Variants in DPP6 observed in about 807,000 individuals in gnomAD.
DPP6 encodes A-type potassium channel modulatory protein DPP6.
Under a neutral mutation model 122.6 loss-of-function variants are expected in DPP6, and 69 were observed. That is an observed-to-expected ratio of 0.56 (90% confidence interval 0.46 to 0.69). The LOEUF (loss-of-function observed/expected upper bound fraction) is 0.69, where lower values mean the gene tolerates loss of function less well. Among genes scored for constraint, DPP6 ranks in the 30% least tolerant of loss-of-function variants. The pLI is 0.00. For missense variants in DPP6, 928 were observed against 1,116.9 expected (o/e 0.83, Z 2.41); for synonymous variants, 418 against 433.1 (o/e 0.97, Z 0.43).
chr7:153,814,573 A>G, the DPP6 span, among the ~76,000 whole-genome samples: 1 of 152,164 alleles, frequency 6.6e-6, no homozygotes, highest in Non-Finnish European at 1.5e-5. Context: ...ATTCCAATCA[A>G]TAGAAAAAGA....
chr7:154,254,546 T>C (rs1418083422), intron 1 of DPP6, among the ~76,000 whole-genome samples: 1 of 152,060 alleles, frequency 6.6e-6, no homozygotes, highest in Non-Finnish European at 1.5e-5. Flanking sequence ...AGATGCACAA[T>C]CTTAATTACA....
chr7:154,401,642 C>T (rs947837913), intron 1 of DPP6, among the ~76,000 whole-genome samples: 2 of 152,134 alleles, frequency 1.3e-5, no homozygotes, highest in African/African-American at 4.8e-5. Flanking sequence ...ACTATAAAAA[C>T]CCTAGAAGAA....
At chr7:154,099,473 G>T (rs1253652619) in intron 1 of DPP6, among the ~76,000 whole-genome samples, 1 of 152,094 alleles carries the variant, frequency 6.6e-6, no homozygotes, top group Non-Finnish European at 1.5e-5. Flanking sequence ...AATATAGAGG[G>T]TCAGGGAAAT....
intron 1 of DPP6, among the ~76,000 whole-genome samples, chr7:154,191,937 A>C (rs574448663): frequency 2.2e-4 from 34 of 152,164 alleles, no homozygotes; most frequent in Non-Finnish European, 3.5e-4. Flanking sequence ...AAGAAAGTAG[A>C]GTGTTTCCAC....
the DPP6 span, among the ~76,000 whole-genome samples, chr7:153,848,370 C>T: frequency 6.6e-6 from 1 of 151,702 alleles, no homozygotes; most frequent in African/African-American, 2.4e-5. Context: ...GGATCAATTC[C>T]CTTACACTTC....
chr7:153,825,457 A>C, the DPP6 span, among the ~76,000 whole-genome samples: 1 of 152,200 alleles, frequency 6.6e-6, no homozygotes, highest in Non-Finnish European at 1.5e-5. Context: ...TGGTACACAG[A>C]CATATTATAT....
chr7:154,688,062 A>G (rs1586892236), intron 7 of DPP6, among the ~76,000 whole-genome samples: 1 of 152,338 alleles, frequency 6.6e-6, no homozygotes, highest in African/African-American at 2.4e-5. Context: ...CGTTCTTACT[A>G]CAGCTTCACC....
chr7:154,411,209 C>T (rs1229678316), intron 1 of DPP6, among the ~76,000 whole-genome samples: 2 of 152,208 alleles, frequency 1.3e-5, no homozygotes, highest in African/African-American at 4.8e-5. Context: ...TCGTAACTCT[C>T]ATTGCATTCA....
In DPP6 at chr7:154,390,096, T is replaced by C. The variant is rs141415073; in HGVS notation, c.244-56118T>C. 4.4e-3 allele frequency among the ~76,000 whole-genome samples: 673 copies of C among 152,372 alleles called. 4 individuals are homozygous for C. The highest frequency in any genetic ancestry group is 0.015 in the African/African-American group (629 of 41,600). ...GAAAGGAGCTGGTATTTTTCCTGTT[T>C]ATTCATTAATTGAACAATTGATTGG... On this transcript the variant is annotated intron_variant, in intron 1 of 25. Transcript: ENST00000377770.
chr7:154,584,602 G>T (rs549935890), intron 5 of DPP6, among the ~76,000 whole-genome samples: 1 of 152,210 alleles, frequency 6.6e-6, no homozygotes, highest in African/African-American at 2.4e-5. Flanking sequence ...TTGCCACGTC[G>T]CTCGGGACGC....
At chr7:154,303,858 A>G (rs971665008) in intron 1 of DPP6, among the ~76,000 whole-genome samples, 2 of 152,212 alleles carry the variant, frequency 1.3e-5, no homozygotes, top group African/African-American at 4.8e-5. Context: ...TCAGCCATCA[A>G]TTCCAAAGAA....
At chr7:154,265,731 T>C (rs1351471338) in intron 1 of DPP6, among the ~76,000 whole-genome samples, 1 of 152,102 alleles carries the variant, frequency 6.6e-6, no homozygotes, top group Non-Finnish European at 1.5e-5. Context: ...AGAAAAATAT[T>C]TTATTATATT....
At chr7:154,021,012 G>T (rs1282473372) in intron 1 of DPP6, among the ~76,000 whole-genome samples, 1 of 152,114 alleles carries the variant, frequency 6.6e-6, no homozygotes, top group Non-Finnish European at 1.5e-5. Flanking sequence ...GGGGAGATGT[G>T]GGAAACGCCA....
chr7:154,758,074 C>T (rs1203322187), intron 8 of DPP6, among the ~76,000 whole-genome samples: 1 of 152,236 alleles, frequency 6.6e-6, no homozygotes, highest in African/African-American at 2.4e-5. Context: ...ACTCCCCCTT[C>T]AGGTGGGCAA....
intron 1 of DPP6, among the ~76,000 whole-genome samples, chr7:154,144,938 T>C (rs1159520195): frequency 6.6e-6 from 1 of 151,418 alleles, no homozygotes; most frequent in Non-Finnish European, 1.5e-5. Flanking sequence ...AAGTTAAATT[T>C]CTGTTAAGAC....
chr7:154,696,464 G>T (rs1330186280), intron 7 of DPP6, among the ~76,000 whole-genome samples: 1 of 152,208 alleles, frequency 6.6e-6, no homozygotes, highest in Non-Finnish European at 1.5e-5. Flanking sequence ...TCATTTGGAT[G>T]ATAGGTTATA....
intron 1 of DPP6, among the ~76,000 whole-genome samples, chr7:154,395,471 C>T (rs1181667723): frequency 5.3e-5 from 8 of 152,096 alleles, no homozygotes; most frequent in Admixed American, 6.5e-5. Context: ...TGTTCACCTC[C>T]GCGGCTAAGT....
Position 154,892,552 on chromosome 7 carries a change from C to T in DPP6, c.*72C>T. The T allele has an allele frequency of 1.3e-6, 2 of 1,593,754 alleles. No individual in the cohort carries two copies. Among genetic ancestry groups the T allele is most frequent in the Non-Finnish European group, 1.7e-6 (2 of 1,168,564 alleles). On this transcript the variant is annotated 3_prime_UTR_variant, in exon 26 of 26. Transcript: ENST00000377770. ...GCAACCGAGGGATTTCCCTGCCCTC[C>T]CTCTTCCCTCGGAGGGGCGGGGCGG...
chr7:154,059,080 C>T (rs1462768759), intron 1 of DPP6: 3 of 147,514 alleles, frequency 2.0e-5, no homozygotes, highest in Admixed American at 6.7e-5. Flanking sequence ...CCCTCTTCCC[C>T]CTCTGGCTCT....
Sources: gnomAD v4.1 joint callset for allele counts (sites outside exome capture counted in the v4.1 genomes callset) on GRCh38, gnomAD v4.1.1 for gene constraint, MANE v1.5 for transcripts, NCBI Gene and HGNC (gene_info 2026-07-23, HGNC 2026-07-21) for gene names.